The following DNAH9 variants were observed in gnomAD, a reference collection of about 807,000 sequenced individuals.
DNAH9 encodes the protein dynein axonemal heavy chain 9.
Under a neutral mutation model 471.6 loss-of-function variants are expected in DNAH9, and 345 were observed. The ratio of observed to expected loss-of-function variants is 0.73; its 90% CI spans 0.67 to 0.80. DNAH9 has a LOEUF of 0.80. Among genes scored for constraint, DNAH9 ranks in the 30% least tolerant of loss-of-function variants. DNAH9 has a pLI of 0.00. For missense variants in DNAH9, 5,407 were observed against 5,609.2 expected, an observed-to-expected ratio of 0.96 and a Z score of 1.15; for synonymous variants, 2,093 against 2,123.6, an observed-to-expected ratio of 0.99 and a Z score of 0.40.
intron 43 of DNAH9, among the ~76,000 whole-genome samples, chr17:11,804,413 T>C (rs1332083702): frequency 1.3e-5 from 2 of 152,098 alleles, no homozygotes; most frequent in African/African-American, 4.8e-5. Context: ...AAAACATACA[T>C]AAAAGGGTTT....
chr17:11,773,699 T>G (rs968551253), intron 38 of DNAH9, among the ~76,000 whole-genome samples: 1 of 152,216 alleles, frequency 6.6e-6, no homozygotes. Flanking sequence ...TATTTAAACC[T>G]TTTATGTTTA....
intron 61 of DNAH9, among the ~76,000 whole-genome samples, chr17:11,919,251 T>C (rs1277359685): frequency 6.6e-6 from 1 of 151,830 alleles, no homozygotes; most frequent in African/African-American, 2.4e-5. Flanking sequence ...ATCCCAGCAC[T>C]TTAGGAGGCC....
At chr17:11,851,155 G>T (rs9896484) in intron 49 of DNAH9, among the ~76,000 whole-genome samples, 1 of 151,700 alleles carries the variant, frequency 6.6e-6, no homozygotes, top group African/African-American at 2.4e-5. Context: ...TTGTCACCCA[G>T]GCTGGAGTGC....
intron 59 of DNAH9, among the ~76,000 whole-genome samples, chr17:11,896,576 A>T (rs1973225264): frequency 6.6e-6 from 1 of 152,156 alleles, no homozygotes; most frequent in Non-Finnish European, 1.5e-5. Flanking sequence ...GGAAGAAATA[A>T]GGGGGTACTC....
intron 44 of DNAH9, 38 bp from the exon 45 acceptor site, chr17:11,810,208 T>C: frequency 6.3e-7 from 1 of 1,585,098 alleles, no homozygotes; most frequent in East Asian, 2.3e-5. Context: ...CAAGGAGGCC[T>C]TCTTTTCAGA....
chr17:11,646,080 C>T (rs1339769720), intron 11 of DNAH9, among the ~76,000 whole-genome samples: 1 of 151,914 alleles, frequency 6.6e-6, no homozygotes, highest in Admixed American at 6.6e-5. Flanking sequence ...AGGGTTTTAC[C>T]GTGTTAGCCA....
At chr17:11,723,198 G>T (rs2075092409) in intron 27 of DNAH9, 1 of 152,218 alleles carries the variant, frequency 6.6e-6, no homozygotes, top group Non-Finnish European at 1.5e-5. Context: ...CCCTTCTCTT[G>T]CATTGTGGTT....
intron 62 of DNAH9, 127 bp from the exon 63 acceptor site, chr17:11,929,739 C>A: frequency 1.3e-6 from 1 of 776,664 alleles, no homozygotes; most frequent in Non-Finnish European, 2.1e-6. Context: ...TACGTCTTAC[C>A]ACAATTTTTA....
At chr17:11,789,663 G>T (rs1968996992) in intron 41 of DNAH9, among the ~76,000 whole-genome samples, 1 of 151,716 alleles carries the variant, frequency 6.6e-6, no homozygotes, top group South Asian at 2.1e-4. Flanking sequence ...GTCTTAATTT[G>T]ATATCTGTTT....
chr17:11,884,526 T>C (rs1407181498), intron 56 of DNAH9: 2 of 455,848 alleles, frequency 4.4e-6, no homozygotes, highest in Non-Finnish European at 8.8e-6. Flanking sequence ...GGAAGATGCT[T>C]ATTGCCAGAT....
intron 67 of DNAH9, among the ~76,000 whole-genome samples, chr17:11,943,606 G>T (rs1397313954): frequency 6.6e-6 from 1 of 152,166 alleles, no homozygotes; most frequent in Non-Finnish European, 1.5e-5. Context: ...GAACCTGGGA[G>T]GCGGAGCTTG....
chr17:11,776,371 G>C (rs1968434122), intron 38 of DNAH9, among the ~76,000 whole-genome samples: 1 of 147,002 alleles, frequency 6.8e-6, no homozygotes, highest in South Asian at 2.2e-4. Context: ...AAAAAAAAAA[G>C]TGGTAGGGGG....
chr17:11,952,203 G>GATCTTTGC (rs1975397970), intron 67 of DNAH9, among the ~76,000 whole-genome samples: 1 of 135,050 alleles, frequency 7.4e-6, no homozygotes, highest in Non-Finnish European at 1.5e-5. Context: ...TCAGTGGCAT[G>GATCTTTGC]ATCTTTGCTT....
At chr17:11,969,217 CT>C in intron 68 of DNAH9, 82 bp from the exon 69 acceptor site, 1 of 1,263,370 alleles carries the variant, frequency 7.9e-7, no homozygotes, top group South Asian at 1.4e-5. Flanking sequence ...TCTTTCCTCC[CT>C]TGGATCTGCT....
chr17:11,730,949 TGA>T lies in DNAH9; in HGVS notation c.5814+3028_5814+3029del, dbSNP rs1196730236. Among the ~76,000 whole-genome samples the T allele has an allele frequency of 2.9e-5, 4 of 137,340 alleles. No individual in the cohort carries two copies. The Admixed American group carries it at 3.0e-4, about 10-fold the overall frequency. The allele number at this position is 137,340 out of a possible 152,430, so 90.1% of individuals were successfully genotyped here. A position where few individuals can be genotyped will look rare whatever the true frequency, so the allele number is the denominator to read the frequency against. On this transcript the variant is annotated intron_variant, in intron 28 of 68. Coordinates refer to ENST00000262442, the MANE Select transcript of DNAH9 (RefSeq NM_001372.4). ...GTGGTGGTGGTGATGACGGTGATGA[TGA>T]TGATGGTGGTGGTGATGATGGTGAT...
chr17:11,807,862 C>T lies in DNAH9; in HGVS notation c.8551C>T (p.Leu2851=). The change falls in exon 44 of 69, where the codon CTG becomes TTG. Residue 2851 remains leucine (L), a synonymous_variant. Transcript: ENST00000262442. The part of the protein sequence containing the change: ...ISSMDVFQIT[L]RKGYQIQDFK... ...CTCCATGGATGTCTTCCAGATCACA[C>T]TGCGCAAAGGCTACCAGATCCAGGA... The T allele has an allele frequency of 6.2e-7, 1 of 1,613,718 alleles. No homozygotes were observed.
intron 55 of DNAH9, 139 bp downstream of exon 55, chr17:11,881,552 T>G: frequency 1.3e-6 from 1 of 783,320 alleles, no homozygotes; most frequent in Non-Finnish European, 2.0e-6. Context: ...GCTGACCCCA[T>G]GTAGCAACCT....
intron 27 of DNAH9, among the ~76,000 whole-genome samples, chr17:11,719,745 C>CA: frequency 6.6e-6 from 1 of 152,274 alleles, no homozygotes; most frequent in Non-Finnish European, 1.5e-5. Context: ...TGAGCTCTGA[C>CA]CACAGATGGC....
At chr17:11,831,947 G>A (rs1328504036) in intron 48 of DNAH9, among the ~76,000 whole-genome samples, 1 of 152,114 alleles carries the variant, frequency 6.6e-6, no homozygotes, top group Non-Finnish European at 1.5e-5. Flanking sequence ...TTACTACCAT[G>A]GTCCCGATTC....
Sources: gnomAD v4.1 joint callset for allele counts (sites outside exome capture counted in the v4.1 genomes callset) on GRCh38, gnomAD v4.1.1 for gene constraint, MANE v1.5 for transcripts, NCBI Gene and HGNC (gene_info 2026-07-23, HGNC 2026-07-21) for gene names.